GRXCR1: variants seen among roughly 807,000 people sequenced by gnomAD.
GRXCR1 encodes the protein glutaredoxin domain-containing cysteine-rich protein 1.
A neutral mutation model predicts 27.3 loss-of-function variants in GRXCR1; 27 were observed. The ratio of observed to expected loss-of-function variants is 0.99; its 90% CI spans 0.73 to 1.37. The LOEUF is 1.37. Among genes scored for constraint, GRXCR1 ranks in the 40% most tolerant of loss-of-function variants. The probability of loss-of-function intolerance (pLI) is 0.00; values close to 1 mark genes in which losing one functional copy is unlikely to be tolerated. For missense variants in GRXCR1, 379 were observed against 354.4 expected (o/e 1.07, Z -0.56); for synonymous variants, 122 against 131.1 (o/e 0.93, Z 0.47).
chr4:43,028,837 C>T (rs1190615840), intron 3 of GRXCR1, among the ~76,000 whole-genome samples: 1 of 152,082 alleles, frequency 6.6e-6, no homozygotes, highest in African/African-American at 2.4e-5. Flanking sequence ...TGTACATATT[C>T]AATCTATCTT....
intron 2 of GRXCR1, among the ~76,000 whole-genome samples, chr4:43,012,932 A>G (rs969521745): frequency 6.6e-6 from 1 of 152,202 alleles, no homozygotes; most frequent in Admixed American, 6.5e-5. Context: ...AGCAGACAAC[A>G]AACATGAAAA....
At chr4:42,977,448 G>C (rs1054851208) in intron 2 of GRXCR1, among the ~76,000 whole-genome samples, 1 of 151,962 alleles carries the variant, frequency 6.6e-6, no homozygotes, top group East Asian at 1.9e-4. Context: ...ATGTGCAAGT[G>C]TTCCTTTACT....
At chr4:42,925,976 T>C (rs1440932138) in intron 1 of GRXCR1, among the ~76,000 whole-genome samples, 1 of 152,000 alleles carries the variant, frequency 6.6e-6, no homozygotes, top group African/African-American at 2.4e-5. Context: ...AATACTGCCA[T>C]GGAAAAAACT....
intron 2 of GRXCR1, among the ~76,000 whole-genome samples, chr4:42,988,908 A>G (rs549674980): frequency 6.6e-6 from 1 of 152,292 alleles, no homozygotes; most frequent in African/African-American, 2.4e-5. Flanking sequence ...AGCAAGTAAA[A>G]TTTCTCTCTA....
intron 2 of GRXCR1, among the ~76,000 whole-genome samples, chr4:43,016,496 T>A (rs1314612480): frequency 1.3e-5 from 2 of 152,224 alleles, no homozygotes; most frequent in African/African-American, 2.4e-5. Flanking sequence ...ACTTGTGTTC[T>A]TAGCATCTTG....
intron 2 of GRXCR1, among the ~76,000 whole-genome samples, chr4:42,981,239 T>A (rs1429194120): frequency 6.6e-6 from 1 of 151,966 alleles, no homozygotes; most frequent in African/African-American, 2.4e-5. Context: ...GTAGTTATCA[T>A]GAGACTTATA....
At position 43,004,242 on chromosome 4, in the gene GRXCR1, T is replaced by A. The variant is rs558959290; in HGVS notation, c.628-16112T>A. Among the ~76,000 whole-genome samples, 8 of 152,232 alleles carry A rather than the reference T, an allele frequency of 5.3e-5. No homozygotes were observed. The East Asian group carries it at 1.5e-3, about 29-fold the overall frequency. On this transcript the variant is annotated intron_variant, in intron 2 of 3. Transcript: ENST00000399770. Reference sequence around the variant, plus strand: ...CCTGTGAGTGTGCAAGAGATGAGAGTTAAGCTTTGCGAGCTTCTGCCTAGA... The same window carrying A: ...CCTGTGAGTGTGCAAGAGATGAGAGATAAGCTTTGCGAGCTTCTGCCTAGA...
chr4:42,962,322 C>T lies in GRXCR1; in HGVS notation c.385-570C>T, dbSNP rs1224182994. On this transcript the variant is annotated intron_variant, in intron 1 of 3. Coordinates refer to ENST00000399770, the MANE Select transcript of GRXCR1 (RefSeq NM_001080476.3). Reference sequence around the variant, plus strand: ...AATTGTTTTATTTCTTGTGGCATAACTTTCTCACTACATGTGGGAGCCCTG... The same window carrying T: ...AATTGTTTTATTTCTTGTGGCATAATTTTCTCACTACATGTGGGAGCCCTG... Among the ~76,000 whole-genome samples, 4 of 151,964 alleles carry T rather than the reference C, an allele frequency of 2.6e-5. No individual in the cohort carries two copies. The South Asian group carries it at 8.3e-4, about 32-fold the overall frequency.
chr4:42,916,142 G>T (rs1016956043), intron 1 of GRXCR1, among the ~76,000 whole-genome samples: 2 of 150,234 alleles, frequency 1.3e-5, no homozygotes, highest in East Asian at 1.9e-4. Context: ...TTGTAAAACA[G>T]AAAGTTATAA....
In GRXCR1 at chr4:42,963,517, A is replaced by G. The variant is rs537908023; in HGVS notation, c.627+383A>G. Among the ~76,000 whole-genome samples the G allele has an allele frequency of 2.0e-5, 3 of 152,120 alleles. No individual in the cohort carries two copies. In the South Asian group the frequency reaches 6.2e-4, roughly 32 times the overall value. On this transcript the variant is annotated intron_variant, in intron 2 of 3. Transcript: ENST00000399770. ...ATTCTCATATACAGCATTATCAATC[A>G]GTTTCCTACTAATGAACCTAAGATG...
At chr4:42,935,394 G>A (rs1747432567) in intron 1 of GRXCR1, among the ~76,000 whole-genome samples, 1 of 151,858 alleles carries the variant, frequency 6.6e-6, no homozygotes, top group Non-Finnish European at 1.5e-5. Context: ...GGTAAAGTTA[G>A]TATTACAGAC....
intron 1 of GRXCR1, among the ~76,000 whole-genome samples, chr4:42,946,977 G>A (rs897261215): frequency 2.1e-4 from 32 of 152,086 alleles, no homozygotes; most frequent in African/African-American, 5.8e-4. Flanking sequence ...GATGGGCAGC[G>A]CACAACCCAC....
intron 1 of GRXCR1, among the ~76,000 whole-genome samples, chr4:42,925,083 T>A (rs924442943): frequency 5.3e-5 from 8 of 151,494 alleles, no homozygotes; most frequent in African/African-American, 1.9e-4. Context: ...AGAAAGCTTA[T>A]GAGGAGTTTC....
intron 1 of GRXCR1, among the ~76,000 whole-genome samples, chr4:42,899,009 A>G (rs2109736790): frequency 6.6e-6 from 1 of 152,258 alleles, no homozygotes; most frequent in East Asian, 1.9e-4. Context: ...GCACAATTAA[A>G]GAATTGTAAA....
intron 2 of GRXCR1, among the ~76,000 whole-genome samples, chr4:42,981,333 C>T (rs1160290254): frequency 6.6e-6 from 1 of 152,004 alleles, no homozygotes; most frequent in Non-Finnish European, 1.5e-5. Context: ...AATTTTACTC[C>T]ACAATGTGCC....
intron 1 of GRXCR1, among the ~76,000 whole-genome samples, chr4:42,898,202 T>G (rs1440798034): frequency 6.6e-6 from 1 of 152,062 alleles, no homozygotes; most frequent in African/African-American, 2.4e-5. Flanking sequence ...TTTTGAAATT[T>G]CAACATTTAG....
At chr4:42,947,238 ACT>A (rs1428803921) in intron 1 of GRXCR1, among the ~76,000 whole-genome samples, 1 of 151,780 alleles carries the variant, frequency 6.6e-6, no homozygotes, top group African/African-American at 2.4e-5. Flanking sequence ...AAGCTGAGAG[ACT>A]CTGAGAACCA....
intron 2 of GRXCR1, among the ~76,000 whole-genome samples, chr4:42,979,105 A>G (rs1378180531): frequency 6.6e-6 from 1 of 152,072 alleles, no homozygotes; most frequent in African/African-American, 2.4e-5. Context: ...ACTCTGTCTT[A>G]GGCAGAATCT....
intron 2 of GRXCR1, among the ~76,000 whole-genome samples, chr4:42,994,231 G>A (rs1169394955): frequency 1.3e-5 from 2 of 152,092 alleles, no homozygotes; most frequent in Admixed American, 6.6e-5. Flanking sequence ...AACAGCTGCA[G>A]GGGACAAGGA....
Sources: allele counts gnomAD v4.1 joint callset (sites outside exome capture counted in the v4.1 genomes callset), GRCh38; gene constraint gnomAD v4.1.1; transcripts MANE v1.5; gene names NCBI Gene and HGNC (gene_info 2026-07-23, HGNC 2026-07-21).